The following CFAP54 variants were observed in gnomAD, a reference collection of about 807,000 sequenced individuals.
The protein encoded by CFAP54 is cilia- and flagella-associated protein 54.
In CFAP54, 290 loss-of-function variants were observed where a neutral mutation model predicts 370.4. That is an observed-to-expected ratio of 0.78 (90% CI 0.71 to 0.86). The LOEUF is 0.86. CFAP54 is among the 40% of genes least tolerant of loss of function. The probability of loss-of-function intolerance (pLI) is 0.00; values close to 1 mark genes in which losing one functional copy is unlikely to be tolerated. For missense variants in CFAP54, 3,399 were observed against 3,528.7 expected (o/e 0.96, Z 0.93); for synonymous variants, 1,206 against 1,236.5 (o/e 0.98, Z 0.52).
intron 67 of CFAP54, among the ~76,000 whole-genome samples, chr12:96,872,343 C>G (rs1481994548): frequency 1.3e-5 from 2 of 152,098 alleles, no homozygotes. Context: ...ACTAGACTTA[C>G]ATTTAACCAT....
chr12:96,570,233 C>T (rs1955901879), intron 19 of CFAP54, among the ~76,000 whole-genome samples: 1 of 152,070 alleles, frequency 6.6e-6, no homozygotes, highest in African/African-American at 2.4e-5. Flanking sequence ...CTCAGTCTCC[C>T]AAAGTGCTGG....
At chr12:96,689,056 T>C in intron 43 of CFAP54, 74 bp downstream of exon 43, 1 of 910,488 alleles carries the variant, frequency 1.1e-6, no homozygotes. Context: ...AAGTTTATCA[T>C]ATTCAGAAAA....
At chr12:96,669,037 A>T (rs1266651925) in intron 39 of CFAP54, among the ~76,000 whole-genome samples, 1 of 152,218 alleles carries the variant, frequency 6.6e-6, no homozygotes, top group African/African-American at 2.4e-5. Context: ...GGAGATGAAT[A>T]AAAAACCCAG....
chr12:96,797,653 C>G (rs530197251), intron 63 of CFAP54, among the ~76,000 whole-genome samples: 2 of 152,042 alleles, frequency 1.3e-5, no homozygotes, highest in Non-Finnish European at 2.9e-5. Flanking sequence ...ATAAAGCCTG[C>G]TTTATCTGAT....
intron 19 of CFAP54, 68 bp downstream of exon 19, chr12:96,564,833 C>T: frequency 1.9e-6 from 1 of 518,396 alleles, no homozygotes. Context: ...GATTCATTTC[C>T]TTTATTAAAA....
intron 60 of CFAP54, among the ~76,000 whole-genome samples, chr12:96,778,445 A>G (rs566179278): frequency 2.0e-5 from 3 of 152,324 alleles, no homozygotes; most frequent in African/African-American, 4.8e-5. Flanking sequence ...TAATTCTTCA[A>G]CTTGACTGGC....
intron 60 of CFAP54, among the ~76,000 whole-genome samples, chr12:96,783,350 A>T (rs1358046895): frequency 6.6e-6 from 1 of 152,228 alleles, no homozygotes; most frequent in Non-Finnish European, 1.5e-5. Context: ...ATCTTATTCA[A>T]GAAAACATGC....
rs937130159 is a variant in CFAP54, at chr12:96,573,129, C to T, written c.2620-3456C>T. The stretch of plus-strand genomic sequence containing the variant: ...ATTTTACAGGCTCCAGACATAATCC[C>T]GAGGAAGGATATGTCTCCAAATTTC... On this transcript the variant is annotated intron_variant, in intron 19 of 67. Transcript: ENST00000524981. 5.5e-5 allele frequency: 42 copies of T among 767,914 alleles called. 1 individual carries two copies. The highest frequency in any genetic ancestry group is 6.5e-5 in the Non-Finnish European group (41 of 631,554). The allele number at this position is 767,914 out of a possible 1,614,324, so 47.6% of individuals were successfully genotyped here.
chr12:96,636,127 C>G (rs1392559307), intron 32 of CFAP54, among the ~76,000 whole-genome samples: 1 of 152,166 alleles, frequency 6.6e-6, no homozygotes, highest in Non-Finnish European at 1.5e-5. Flanking sequence ...TACATAGGTT[C>G]CACAGGGACT....
intron 1 of CFAP54, among the ~76,000 whole-genome samples, chr12:96,493,486 A>G (rs1214075854): frequency 6.6e-6 from 1 of 152,220 alleles, no homozygotes; most frequent in Non-Finnish European, 1.5e-5. Flanking sequence ...AATAAACATC[A>G]ATTATGTGTA....
chr12:96,736,101 A>G (rs1029368873), intron 50 of CFAP54, among the ~76,000 whole-genome samples: 3 of 152,202 alleles, frequency 2.0e-5, no homozygotes, highest in Admixed American at 1.3e-4. Flanking sequence ...CAAATCAGCC[A>G]AAAGGGGAAA....
chr12:96,540,444 G>A (rs1212995134), intron 13 of CFAP54, among the ~76,000 whole-genome samples: 1 of 152,152 alleles, frequency 6.6e-6, no homozygotes, highest in Non-Finnish European at 1.5e-5. Flanking sequence ...TGAAACACCT[G>A]CTTCCCCACT....
At chr12:96,517,463 T>C (rs1955249379) in intron 5 of CFAP54, among the ~76,000 whole-genome samples, 4 of 152,212 alleles carry the variant, frequency 2.6e-5, no homozygotes, top group Admixed American at 2.6e-4. Context: ...TTTAGAAAGA[T>C]GTGAATTTAA....
chr12:96,720,880 G>A (rs1351887565), intron 50 of CFAP54, among the ~76,000 whole-genome samples: 3 of 151,984 alleles, frequency 2.0e-5, no homozygotes, highest in Non-Finnish European at 4.4e-5. Context: ...AATTAACCAG[G>A]CTTTGTGGCG....
At chr12:96,747,478 C>G (rs1958130140) in intron 55 of CFAP54, among the ~76,000 whole-genome samples, 1 of 152,226 alleles carries the variant, frequency 6.6e-6, no homozygotes, top group East Asian at 1.9e-4. Context: ...AGGTACAAAC[C>G]TAATGAAAAT....
At chr12:96,682,099 A>T in intron 40 of CFAP54, 1 of 913,684 alleles carries the variant, frequency 1.1e-6, no homozygotes, top group Non-Finnish European at 1.3e-6. Flanking sequence ...CCTTCTTTCT[A>T]CATTTTAAAT....
In CFAP54 at chr12:96,489,654, T is replaced by C. The variant is rs532810042; in HGVS notation, c.45T>C (p.Ser15=). ...GSPSSSPSDD[S]TTSGSLPELP... is the part of the protein sequence containing the mutation. ...CCTCGAGCTCTCCGTCAGACGACTC[T>C]ACCACCTCGGGGTCTCTGCCAGAAC... Residue 15 remains serine (S), a synonymous_variant, in exon 1 of 68, where the codon TCT becomes TCC. Transcript: ENST00000524981. 38 of 1,533,688 alleles carry C rather than the reference T, an allele frequency of 2.5e-5. No individual in the cohort carries two copies. The East Asian group carries it at 9.3e-4, about 38-fold the overall frequency.
At chr12:96,617,989 C>CAAAAAAAAAAAAAA (rs3055732) in intron 26 of CFAP54, among the ~76,000 whole-genome samples, 12 of 117,046 alleles carry the variant, frequency 1.0e-4, no homozygotes, top group Admixed American at 1.9e-4. Context: ...GACTTTGTCT[C>CAAAAAAAAAAAAAA]AAAAAAAAAA....
At chr12:96,622,828 A>G (rs1438844327) in intron 27 of CFAP54, among the ~76,000 whole-genome samples, 1 of 151,784 alleles carries the variant, frequency 6.6e-6, no homozygotes, top group Non-Finnish European at 1.5e-5. Context: ...AAAAATCACC[A>G]CTGTTTTACT....
Sources: gnomAD v4.1 joint callset for allele counts (sites outside exome capture counted in the v4.1 genomes callset) on GRCh38, gnomAD v4.1.1 for gene constraint, MANE v1.5 for transcripts, NCBI Gene and HGNC (gene_info 2026-07-23, HGNC 2026-07-21) for gene names.